The following PTPRD variants were observed in gnomAD, a reference collection of about 807,000 sequenced individuals.
PTPRD encodes the protein receptor-type tyrosine-protein phosphatase delta.
Under a neutral mutation model 214.5 loss-of-function variants are expected in PTPRD, and 34 were observed. The observed-to-expected ratio is 0.16, with a 90% CI of 0.12 to 0.21. The LOEUF is 0.21. PTPRD is among the 10% of genes least tolerant of loss of function. The probability of loss-of-function intolerance (pLI) is 1.00; values close to 1 mark genes in which losing one functional copy is unlikely to be tolerated. For missense variants in PTPRD, 2,545 were observed against 2,398.7 expected, an observed-to-expected ratio of 1.06 and a Z score of -1.27; for synonymous variants, 1,128 against 845.7, an observed-to-expected ratio of 1.33 and a Z score of -5.79.
At chr9:10,104,228 T>C (rs2098601429) in intron 3 of PTPRD, among the ~76,000 whole-genome samples, 1 of 151,532 alleles carries the variant, frequency 6.6e-6, no homozygotes, top group Non-Finnish European at 1.5e-5. Context: ...ACAAAAAGAG[T>C]TCTGGAGATG....
At chr9:10,156,994 C>T (rs1386711577) in intron 3 of PTPRD, among the ~76,000 whole-genome samples, 1 of 152,134 alleles carries the variant, frequency 6.6e-6, no homozygotes, top group Non-Finnish European at 1.5e-5. Flanking sequence ...AGATTTTTCT[C>T]TATCCTTTTA....
intron 4 of PTPRD, among the ~76,000 whole-genome samples, chr9:10,016,393 A>ATAGATAGACAGG (rs56040812): frequency 3.3e-5 from 5 of 149,902 alleles, no homozygotes; most frequent in Admixed American, 6.6e-5. Flanking sequence ...AGATAGATAG[A>ATAGATAGACAGG]TAGACAGATA....
chr9:9,634,054 T>A (rs1288692776), intron 7 of PTPRD, among the ~76,000 whole-genome samples: 1 of 152,144 alleles, frequency 6.6e-6, no homozygotes, highest in African/African-American at 2.4e-5. Context: ...ATTCTTTTTA[T>A]TTTTTACTTA....
At chr9:9,062,522 A>G (rs1241703370) in intron 10 of PTPRD, among the ~76,000 whole-genome samples, 2 of 151,674 alleles carry the variant, frequency 1.3e-5, no homozygotes, top group African/African-American at 2.4e-5. Flanking sequence ...TCTTTTCTCT[A>G]TCTATCTTTT....
chr9:8,849,675 A>G (rs746327172), intron 11 of PTPRD, among the ~76,000 whole-genome samples: 1 of 152,312 alleles, frequency 6.6e-6, no homozygotes, highest in Admixed American at 6.5e-5. Flanking sequence ...GGTAGAACTA[A>G]AGAGGTGCCC....
intron 2 of PTPRD, among the ~76,000 whole-genome samples, chr9:10,387,490 T>C (rs1484294934): frequency 6.6e-6 from 1 of 151,856 alleles, no homozygotes; most frequent in Non-Finnish European, 1.5e-5. Flanking sequence ...TGGGGCTGGC[T>C]GAACACAGTA....
At chr9:9,198,683 A>G (rs2132183163) in intron 9 of PTPRD, among the ~76,000 whole-genome samples, 1 of 152,254 alleles carries the variant, frequency 6.6e-6, no homozygotes, top group East Asian at 1.9e-4. Flanking sequence ...ACTGGTCTGA[A>G]ATTCTCACAT....
chr9:9,135,192 T>G (rs2099848954), intron 10 of PTPRD, among the ~76,000 whole-genome samples: 1 of 152,228 alleles, frequency 6.6e-6, no homozygotes, highest in Non-Finnish European at 1.5e-5. Context: ...GAGAGAGGAC[T>G]CATGTCTTTC....
intron 5 of PTPRD, among the ~76,000 whole-genome samples, chr9:9,853,728 T>C (rs779004858): frequency 6.6e-6 from 1 of 152,102 alleles, no homozygotes; most frequent in Non-Finnish European, 1.5e-5. Context: ...TTTGTATTTT[T>C]AGTAGAGACG....
chr9:8,367,539 A>G (rs2080261663), intron 39 of PTPRD, among the ~76,000 whole-genome samples: 1 of 152,222 alleles, frequency 6.6e-6, no homozygotes, highest in South Asian at 2.1e-4. Context: ...GCTTATAGAA[A>G]CAATTGGTTC....
chr9:10,099,702 G>A (rs749837345), intron 3 of PTPRD, among the ~76,000 whole-genome samples: 8 of 151,576 alleles, frequency 5.3e-5, no homozygotes, highest in East Asian at 3.9e-4. Flanking sequence ...GAGCTTTTTC[G>A]CTATCATCGT....
intron 3 of PTPRD, among the ~76,000 whole-genome samples, chr9:10,157,210 G>A (rs1007010312): frequency 3.3e-5 from 5 of 151,984 alleles, no homozygotes; most frequent in African/African-American, 1.2e-4. Flanking sequence ...ATTTTTTGGG[G>A]GTTGCTTTTT....
intron 10 of PTPRD, among the ~76,000 whole-genome samples, chr9:9,066,122 A>C (rs1197660838): frequency 6.9e-6 from 1 of 144,238 alleles, no homozygotes; most frequent in Non-Finnish European, 1.6e-5. Flanking sequence ...AAATGACTGA[A>C]GTTAATATTT....
At chr9:8,874,316 G>C (rs1467566847) in intron 11 of PTPRD, among the ~76,000 whole-genome samples, 1 of 152,140 alleles carries the variant, frequency 6.6e-6, no homozygotes, top group Non-Finnish European at 1.5e-5. Flanking sequence ...GACATTCTTT[G>C]TTCCTCGTAG....
At chr9:9,676,961 G>T (rs1483477078) in intron 7 of PTPRD, among the ~76,000 whole-genome samples, 3 of 151,926 alleles carry the variant, frequency 2.0e-5, no homozygotes, top group South Asian at 2.1e-4. Flanking sequence ...TCGCCCACTT[G>T]TTGATGGGGT....
chr9:8,740,214 A>G (rs1348162890), intron 11 of PTPRD, among the ~76,000 whole-genome samples: 1 of 152,232 alleles, frequency 6.6e-6, no homozygotes, highest in Non-Finnish European at 1.5e-5. Context: ...GGTTGAGTAT[A>G]TAACTGGAAA....
intron 9 of PTPRD, among the ~76,000 whole-genome samples, chr9:9,290,078 G>C (rs183500022): frequency 3.0e-3 from 451 of 151,658 alleles, no homozygotes; most frequent in Middle Eastern, 0.01. Context: ...CCCACCAATG[G>C]TATACAAGGG....
chr9:9,488,314 G>A (rs2095746141), intron 8 of PTPRD, among the ~76,000 whole-genome samples: 1 of 152,132 alleles, frequency 6.6e-6, no homozygotes, highest in Non-Finnish European at 1.5e-5. Flanking sequence ...TAATGTATTA[G>A]TGGTCTACAA....
chr9:8,798,131 A>T (rs2096486927), intron 11 of PTPRD, among the ~76,000 whole-genome samples: 1 of 152,182 alleles, frequency 6.6e-6, no homozygotes, highest in Non-Finnish European at 1.5e-5. Context: ...TGATAATTAG[A>T]ACATTTTATA....
Sources: allele counts gnomAD v4.1 joint callset (sites outside exome capture counted in the v4.1 genomes callset), GRCh38; gene constraint gnomAD v4.1.1; transcripts MANE v1.5; gene names NCBI Gene and HGNC (gene_info 2026-07-23, HGNC 2026-07-21).